The following ESR1 variants were observed in gnomAD, a reference collection of about 807,000 sequenced individuals.
The protein encoded by ESR1 is estrogen receptor.
Under a neutral mutation model 52.7 loss-of-function variants are expected in ESR1, and 12 were observed. The observed-to-expected ratio is 0.23, with a 90% CI of 0.15 to 0.37. ESR1 has a LOEUF of 0.37. Among genes scored for constraint, ESR1 ranks in the 10% least tolerant of loss-of-function variants. ESR1 has a pLI of 1.00. For synonymous variants in ESR1, 305 were observed against 316.8 expected (o/e 0.96, Z 0.39); for missense variants, 584 against 779.7 (o/e 0.75, Z 2.99).
chr6:151,656,971 T>A (rs75010433), intron 1 of ESR1, among the ~76,000 whole-genome samples: 20 of 152,310 alleles, frequency 1.3e-4, no homozygotes, highest in African/African-American at 4.8e-4. Context: ...AAAGACTTCA[T>A]ACATGGTGTG....
At chr6:152,080,208 G>A (rs922479820) in intron 6 of ESR1, among the ~76,000 whole-genome samples, 18 of 152,096 alleles carry the variant, frequency 1.2e-4, no homozygotes, top group African/African-American at 4.3e-4. Flanking sequence ...TAAAAAGTAT[G>A]AAATGAAGGA....
chr6:151,954,937 CT>C (rs1314422863), intron 4 of ESR1, among the ~76,000 whole-genome samples: 2 of 152,160 alleles, frequency 1.3e-5, no homozygotes, highest in Admixed American at 6.6e-5. Context: ...CCAATGCCGC[CT>C]TTACATTGGG....
At chr6:151,809,463 G>C (rs1028751075) in intron 1 of ESR1, among the ~76,000 whole-genome samples, 1 of 152,160 alleles carries the variant, frequency 6.6e-6, no homozygotes, top group African/African-American at 2.4e-5. Flanking sequence ...GGTGTACCCC[G>C]GACTGGGTTT....
intron 1 of ESR1, among the ~76,000 whole-genome samples, chr6:151,663,814 G>T (rs750294072): frequency 2.0e-5 from 3 of 152,202 alleles, no homozygotes; most frequent in African/African-American, 4.8e-5. Context: ...ATAAAACAAA[G>T]CACCTGTTGT....
At chr6:152,114,890 CAAAAAAAAAA>C (rs60553265) in intron 6 of ESR1, among the ~76,000 whole-genome samples, 6 of 41,172 alleles carry the variant, frequency 1.5e-4, no homozygotes, top group African/African-American at 5.5e-4. Context: ...GACTCCGTCT[CAAAAAAAAAA>C]AAAAAAAAAA....
At chr6:151,699,254 G>T (rs1055090014) in intron 1 of ESR1, among the ~76,000 whole-genome samples, 1 of 152,088 alleles carries the variant, frequency 6.6e-6, no homozygotes, top group Admixed American at 6.5e-5. Flanking sequence ...TAGGGGAAAA[G>T]ATTTGTACTG....
intron 5 of ESR1, among the ~76,000 whole-genome samples, chr6:152,043,403 C>T (rs932426658): frequency 1.3e-5 from 2 of 152,186 alleles, no homozygotes. Flanking sequence ...CATGCCTGTT[C>T]TCCAGATTTC....
intron 2 of ESR1, among the ~76,000 whole-genome samples, chr6:151,783,491 G>A (rs565611374): frequency 6.2e-4 from 94 of 152,324 alleles, no homozygotes; most frequent in African/African-American, 2.2e-3. Context: ...CTAATACAGA[G>A]TGGTGCTACA....
At chr6:152,067,471 G>C in intron 6 of ESR1, among the ~76,000 whole-genome samples, 1 of 152,184 alleles carries the variant, frequency 6.6e-6, no homozygotes, top group Non-Finnish European at 1.5e-5. Context: ...CCATCTCCCA[G>C]ATACTCAATT....
At position 151,891,884 on chromosome 6, in the gene ESR1, G is replaced by A. The variant is rs557693178; in HGVS notation, c.760+11113G>A. ...AGTACCAAAATAAATTTATATAGAC[G>A]GTGTCACAGATACTTTAAAAAGACC... is the stretch of plus-strand genomic sequence containing the variant. On this transcript the variant is annotated intron_variant, in intron 3 of 7. Coordinates refer to ENST00000206249, the MANE Select transcript of ESR1 (RefSeq NM_000125.4). Among the ~76,000 whole-genome samples the A allele has an allele frequency of 9.9e-5, 15 of 151,702 alleles. No homozygotes were observed. In the South Asian group the frequency reaches 2.3e-3, roughly 23 times the overall value.
rs2046844378 is a variant in ESR1, at chr6:152,053,432, C to T, written c.1236-7559C>T. ...TCCTTCTGTCTCTCCCTCTCTCTTTCAATCTTTCTCTCCCTCAGTCTCTCT... is the reference window on the plus strand; with the variant it reads ...TCCTTCTGTCTCTCCCTCTCTCTTTTAATCTTTCTCTCCCTCAGTCTCTCT... On this transcript the variant is annotated intron_variant, in intron 5 of 7. Transcript: ENST00000206249. This position sits in a 1 kb window ranked among gnomAD's most constrained non-coding sequence, Gnocchi z 4.1. Among the ~76,000 whole-genome samples, 1 of 152,038 alleles carries T rather than the reference C, an allele frequency of 6.6e-6. No homozygotes were observed. Among genetic ancestry groups the T allele is most frequent in the South Asian group, 2.1e-4 (1 of 4,824 alleles).
At chr6:152,000,490 C>G (rs150937750) in intron 4 of ESR1, among the ~76,000 whole-genome samples, 321 of 152,114 alleles carry the variant, frequency 2.1e-3, no homozygotes, top group African/African-American at 7.4e-3. Flanking sequence ...ATCTAATTAG[C>G]TTTTCCTGGA....
chr6:151,666,690 C>T (rs957238538), intron 1 of ESR1, among the ~76,000 whole-genome samples: 1 of 134,684 alleles, frequency 7.4e-6, no homozygotes, highest in Non-Finnish European at 1.6e-5. Flanking sequence ...TGCCTCTTCC[C>T]CATCCCCCTC....
At chr6:152,089,376 T>C (rs1472106208) in intron 6 of ESR1, among the ~76,000 whole-genome samples, 1 of 152,252 alleles carries the variant, frequency 6.6e-6, no homozygotes, top group Non-Finnish European at 1.5e-5. Context: ...ATTGTTTTTG[T>C]AGTACCTGTT....
chr6:151,929,736 G>A (rs1354364944), intron 3 of ESR1, among the ~76,000 whole-genome samples: 4 of 151,984 alleles, frequency 2.6e-5, no homozygotes, highest in African/African-American at 9.7e-5. Flanking sequence ...ATCAATAAGT[G>A]GGGCTTTTTG....
intron 3 of ESR1, among the ~76,000 whole-genome samples, chr6:151,899,094 C>T (rs573097283): frequency 1.5e-3 from 206 of 141,976 alleles, no homozygotes; most frequent in East Asian, 0.011. Flanking sequence ...CCCCACCTCC[C>T]TCCCGGACGG....
chr6:152,011,826 A>C (rs2128779872), intron 5 of ESR1, 32 bp downstream of exon 5: 1 of 1,609,934 alleles, frequency 6.2e-7, no homozygotes, highest in Non-Finnish European at 8.5e-7. Context: ...TAGGAGTAGC[A>C]TGTTCTTTAC....
intron 1 of ESR1, among the ~76,000 whole-genome samples, chr6:151,821,958 T>G (rs561494610): frequency 6.6e-6 from 1 of 152,214 alleles, no homozygotes; most frequent in Non-Finnish European, 1.5e-5. Context: ...CCCCGTTACA[T>G]GTGTTAAAGA....
intron 6 of ESR1, among the ~76,000 whole-genome samples, chr6:152,078,860 C>T (rs1195226896): frequency 6.6e-6 from 1 of 152,252 alleles, no homozygotes; most frequent in Non-Finnish European, 1.5e-5. Flanking sequence ...CCCATGGAGA[C>T]TTGCTCACTG....
Sources: gnomAD v4.1 joint callset for allele counts (sites outside exome capture counted in the v4.1 genomes callset) on GRCh38, gnomAD v4.1.1 for gene constraint, Gnocchi (gnomAD v3.1) non-coding constraint, MANE v1.5 for transcripts, NCBI Gene and HGNC (gene_info 2026-07-23, HGNC 2026-07-21) for gene names.